Variants in DENND1B observed in about 807,000 individuals in gnomAD.
DENND1B encodes DENN domain containing 1B, also known as DENN domain-containing protein 1B.
A neutral mutation model predicts 90.1 loss-of-function variants in DENND1B; 59 were observed. That is an observed-to-expected ratio of 0.65 (90% CI 0.53 to 0.81). DENND1B has a LOEUF of 0.81. DENND1B is among the 40% of genes least tolerant of loss of function. DENND1B has a pLI of 0.00. For synonymous variants in DENND1B, 337 were observed against 324.6 expected (o/e 1.04, Z -0.41); for missense variants, 862 against 912.6 (o/e 0.94, Z 0.71).
At chr1:197,702,722 A>G (rs1659158110) in intron 3 of DENND1B, among the ~76,000 whole-genome samples, 2 of 152,200 alleles carry the variant, frequency 1.3e-5, no homozygotes, top group African/African-American at 4.8e-5. Flanking sequence ...TAAAAGAGAT[A>G]TGGGCAGCTC....
At position 197,530,317 on chromosome 1, in the gene DENND1B, G is replaced by A. The variant is rs141503590; in HGVS notation, c.1515+9647C>T. Among the ~76,000 whole-genome samples, 550 of 152,196 alleles carry A rather than the reference G, an allele frequency of 3.6e-3. 1 individual carries two copies. Among genetic ancestry groups the A allele is most frequent in the Middle Eastern group, 6.8e-3 (2 of 294 alleles). The stretch of plus-strand genomic sequence containing the variant: ...TCCCATTTTCATCTTTTGAAAAACA[G>A]ATGAAAATAAAGTCTCTCACTGACA... On this transcript the variant is annotated intron_variant, in intron 20 of 22. Transcript: ENST00000620048.
In DENND1B at chr1:197,554,817, G is replaced by GACAACAGA. The variant is rs1671569187; in HGVS notation, c.1150-1706_1150-1705insTCTGTTGT. On this transcript the variant is annotated intron_variant, in intron 15 of 22. Transcript: ENST00000620048. Reference sequence around the variant, plus strand: ...AGATTGCACCATTGCACTCCAGCCTGGCAAGACTCCATCTCAAAAAAAAAA... The same window carrying GACAACAGA: ...AGATTGCACCATTGCACTCCAGCCTGACAACAGAGCAAGACTCCATCTCAAAAAAAAAA... Among the ~76,000 whole-genome samples, 3 of 131,746 alleles carry GACAACAGA rather than the reference G, an allele frequency of 2.3e-5. No individual in the cohort carries two copies. In the South Asian group the frequency reaches 7.9e-4, roughly 35 times the overall value. The allele number at this position is 131,746 out of a possible 152,430, so 86.4% of individuals were successfully genotyped here. A position where few individuals can be genotyped will look rare whatever the true frequency, so the allele number is the denominator to read the frequency against.
intron 7 of DENND1B, among the ~76,000 whole-genome samples, chr1:197,651,130 G>C (rs1430455430): frequency 6.6e-6 from 1 of 151,974 alleles, no homozygotes; most frequent in African/African-American, 2.4e-5. Context: ...TATATACTTT[G>C]AGTTAGCTTT....
intron 20 of DENND1B, among the ~76,000 whole-genome samples, chr1:197,514,104 C>A (rs576625912): frequency 6.6e-6 from 1 of 151,726 alleles, no homozygotes; most frequent in East Asian, 1.9e-4. Flanking sequence ...CAACTTTTGA[C>A]CTGAAGGTTT....
chr1:197,607,333 G>A (rs1015151875), intron 12 of DENND1B, among the ~76,000 whole-genome samples, 159 bp from the exon 13 acceptor site: 1 of 150,918 alleles, frequency 6.6e-6, no homozygotes, highest in East Asian at 2.0e-4. Flanking sequence ...TTTGCCTCCT[G>A]AGAAAGTCTG....
At chr1:197,617,186 A>T (rs977917035) in intron 11 of DENND1B, among the ~76,000 whole-genome samples, 39 of 151,084 alleles carry the variant, frequency 2.6e-4, no homozygotes, top group Non-Finnish European at 5.2e-4. Flanking sequence ...CAACCCCTTT[A>T]TCAGTACTTG....
intron 16 of DENND1B, among the ~76,000 whole-genome samples, chr1:197,549,332 C>A (rs1053164084): frequency 9.9e-5 from 15 of 152,020 alleles, no homozygotes; most frequent in African/African-American, 3.6e-4. Context: ...ACTGATATTA[C>A]CTACCACGTC....
intron 10 of DENND1B, among the ~76,000 whole-genome samples, chr1:197,636,841 G>A (rs1679838679): frequency 6.6e-6 from 1 of 152,092 alleles, no homozygotes; most frequent in Non-Finnish European, 1.5e-5. Context: ...TAGGATGTAG[G>A]TGGGGAAAAC....
At chr1:197,559,808 A>G (rs1335627903) in intron 15 of DENND1B, among the ~76,000 whole-genome samples, 1 of 152,018 alleles carries the variant, frequency 6.6e-6, no homozygotes, top group East Asian at 1.9e-4. Context: ...GTGTTACAAT[A>G]AATTACATCA....
intron 2 of DENND1B, among the ~76,000 whole-genome samples, chr1:197,749,179 C>T (rs1653118877): frequency 6.6e-6 from 1 of 151,866 alleles, no homozygotes; most frequent in South Asian, 2.1e-4. Context: ...CACACATGAA[C>T]TGTGTCCCCA....
At chr1:197,657,518 CACA>C (rs1443225906) in intron 6 of DENND1B, among the ~76,000 whole-genome samples, 2 of 151,996 alleles carry the variant, frequency 1.3e-5, no homozygotes, top group Non-Finnish European at 2.9e-5. Flanking sequence ...AAATTAAAAC[CACA>C]ACAATACACC....
At chr1:197,678,729 A>G (rs565992734) in intron 3 of DENND1B, among the ~76,000 whole-genome samples, 1 of 152,280 alleles carries the variant, frequency 6.6e-6, no homozygotes, top group Admixed American at 6.5e-5. Context: ...GAGACAGCCT[A>G]TCATCTTTTA....
intron 10 of DENND1B, among the ~76,000 whole-genome samples, chr1:197,635,720 G>A (rs1267291182): frequency 6.6e-6 from 1 of 152,082 alleles, no homozygotes; most frequent in Non-Finnish European, 1.5e-5. Context: ...AAGGGTATGT[G>A]GTAAATGCTA....
At chr1:197,520,177 A>C (rs1668673887) in intron 20 of DENND1B, among the ~76,000 whole-genome samples, 2 of 151,956 alleles carry the variant, frequency 1.3e-5, no homozygotes, top group South Asian at 2.1e-4. Flanking sequence ...TTTTTCTTTC[A>C]GTTCTTAGCA....
intron 3 of DENND1B, among the ~76,000 whole-genome samples, chr1:197,675,620 G>A (rs1655981733): frequency 6.6e-6 from 1 of 152,068 alleles, no homozygotes; most frequent in Non-Finnish European, 1.5e-5. Context: ...GTTAAATTCT[G>A]TAAACTGAAA....
chr1:197,623,613 T>C (rs1164422737), intron 10 of DENND1B, among the ~76,000 whole-genome samples: 4 of 151,530 alleles, frequency 2.6e-5, no homozygotes, highest in Non-Finnish European at 5.9e-5. Flanking sequence ...TTTACATTCA[T>C]AGCAAAACTG....
At chr1:197,690,570 G>A in intron 3 of DENND1B, 1 of 235,052 alleles carries the variant, frequency 4.3e-6, no homozygotes, top group Non-Finnish European at 8.3e-6. Flanking sequence ...CAAAGCAGTG[G>A]ACAAGAGGGC....
In DENND1B at chr1:197,536,152, G is replaced by T. The variant is rs1365471124; in HGVS notation, c.1515+3812C>A. Among the ~76,000 whole-genome samples, 578 of 107,478 alleles carry T rather than the reference G, an allele frequency of 5.4e-3. 5 individuals carry two copies. Among genetic ancestry groups the T allele is most frequent in the African/African-American group, 0.02 (546 of 27,460 alleles). 70.5% of individuals were successfully genotyped at this position (107,478 alleles called of 152,430 possible). A position where few individuals can be genotyped will look rare whatever the true frequency, so the allele number is the denominator to read the frequency against. On this transcript the variant is annotated intron_variant, in intron 20 of 22. Transcript: ENST00000620048. ...AGAGAGAGAGATTGAGAGAGAGAGA[G>T]AGAGAGATAGATGAGATGAGATGAG...
At chr1:197,556,208 G>A (rs1441407398) in intron 15 of DENND1B, among the ~76,000 whole-genome samples, 1 of 152,026 alleles carries the variant, frequency 6.6e-6, no homozygotes, top group Non-Finnish European at 1.5e-5. Context: ...AAATTGTGGG[G>A]AAAGGTGGGA....
Sources: gnomAD v4.1 joint callset for allele counts (sites outside exome capture counted in the v4.1 genomes callset) on GRCh38, gnomAD v4.1.1 for gene constraint, MANE v1.5 for transcripts, NCBI Gene and HGNC (gene_info 2026-07-23, HGNC 2026-07-21) for gene names.